PCDHGA1: variants seen among roughly 807,000 people sequenced by gnomAD.
The protein encoded by PCDHGA1 is protocadherin gamma-A1.
Under a neutral mutation model 58.0 loss-of-function variants are expected in PCDHGA1, and 32 were observed. The ratio of observed to expected loss-of-function variants is 0.55; its 90% CI spans 0.42 to 0.74. The LOEUF (loss-of-function observed/expected upper bound fraction) is 0.74, where lower values mean the gene tolerates loss of function less well. PCDHGA1 is among the 30% of genes least tolerant of loss of function. The pLI, the probability that PCDHGA1 is intolerant of heterozygous loss-of-function variation, is 0.00. For missense variants in PCDHGA1, 1,205 were observed against 1,182.3 expected (o/e 1.02, Z -0.28); for synonymous variants, 498 against 501.1 (o/e 0.99, Z 0.08).
chr5:141,393,263 A>G, intron 1 of PCDHGA1: 2 of 1,613,926 alleles, frequency 1.2e-6, no homozygotes, highest in Non-Finnish European at 1.7e-6. Context: ...TTCCTGGAGC[A>G]CGTTATCCAC....
intron 1 of PCDHGA1, chr5:141,479,209 A>T (rs1314929824): frequency 6.6e-6 from 1 of 152,432 alleles, no homozygotes; most frequent in African/African-American, 2.4e-5. Context: ...AAAAGTATTT[A>T]AAAAATTAAA....
chr5:141,423,759 G>GGC, intron 1 of PCDHGA1: 9 of 321,042 alleles, frequency 2.8e-5, no homozygotes, highest in Non-Finnish European at 3.6e-5. Context: ...TTGGGGGGGG[G>GGC]GTGGGGCGGC....
In PCDHGA1 at chr5:141,431,377, T is replaced by A; in HGVS notation, c.2422-63430T>A. 1 of 1,613,426 alleles carries A rather than the reference T, an allele frequency of 6.2e-7. No individual in the cohort carries two copies. Among genetic ancestry groups the A allele is most frequent in the Non-Finnish European group, 8.5e-7 (1 of 1,179,558 alleles). ...GCGCCCTGGACCGCGAAGAAAAGGC[T>A]GCTCACCACCTGGTCCTTACGGCCT... is the stretch of plus-strand genomic sequence containing the variant. On this transcript the variant is annotated intron_variant, in intron 1 of 3. Coordinates refer to ENST00000517417, the MANE Select transcript of PCDHGA1 (RefSeq NM_018912.3). This position sits in a 1 kb window ranked among gnomAD's most constrained non-coding sequence, Gnocchi z 4.8.
At chr5:141,361,801 A>C (rs1312731980) in intron 1 of PCDHGA1, 1 of 1,613,040 alleles carries the variant, frequency 6.2e-7, no homozygotes, top group Non-Finnish European at 8.5e-7. Flanking sequence ...GGGCGACCTC[A>C]ATGACAATGC....
intron 1 of PCDHGA1, chr5:141,404,646 C>G (rs1461001534): frequency 3.1e-6 from 5 of 1,614,208 alleles, no homozygotes; most frequent in Non-Finnish European, 3.4e-6. Flanking sequence ...ATCCTGTACC[C>G]TGCCCTCCCC....
At chr5:141,384,596 C>T in intron 1 of PCDHGA1, 1 of 1,614,240 alleles carries the variant, frequency 6.2e-7, no homozygotes. Context: ...CTGTACCCGG[C>T]CCTCCCCACA....
At chr5:141,356,773 T>C in intron 1 of PCDHGA1, 1 of 1,613,940 alleles carries the variant, frequency 6.2e-7, no homozygotes, top group Non-Finnish European at 8.5e-7. Flanking sequence ...CTATGAGCAG[T>C]TTAGAGACCT....
chr5:141,409,809 A>T (rs754765049), intron 1 of PCDHGA1: 62 of 1,611,424 alleles, frequency 3.8e-5, no homozygotes, highest in Non-Finnish European at 7.6e-6. Context: ...CAGGCCCGCG[A>T]CCACGGCTCG....
intron 1 of PCDHGA1, among the ~76,000 whole-genome samples, chr5:141,450,783 G>A (rs2879228): frequency 0.25 from 37,099 of 150,510 alleles, 4,810 homozygotes; most frequent in Admixed American, 0.32. Flanking sequence ...CACCGTGCCC[G>A]GACCTCATGA....
intron 1 of PCDHGA1, chr5:141,338,634 C>A: frequency 4.9e-6 from 1 of 204,646 alleles, no homozygotes; most frequent in Admixed American, 5.3e-5. Flanking sequence ...CTTTAAAGCG[C>A]CTTGAAAGTC....
chr5:141,389,991 G>T (rs561094692), intron 1 of PCDHGA1: 2 of 1,614,016 alleles, frequency 1.2e-6, no homozygotes, highest in African/African-American at 2.7e-5. Flanking sequence ...GCTCTTCCTC[G>T]TGGCCATGAT....
rs1332743231 is a variant in PCDHGA1 at position 141,432,967 on chromosome 5, G to A, written c.2422-61840G>A. 4 of 1,614,192 alleles carry A rather than the reference G, an allele frequency of 2.5e-6. No homozygotes were observed. In the East Asian group the frequency reaches 6.7e-5, roughly 27 times the overall value. On this transcript the variant is annotated intron_variant, in intron 1 of 3. Coordinates refer to ENST00000517417, the MANE Select transcript of PCDHGA1 (RefSeq NM_018912.3). The surrounding 1 kb of genome is among the most constrained non-coding windows in gnomAD (Gnocchi z 6.0). The stretch of plus-strand genomic sequence containing the variant: ...CAGGAGGCGGCTTGACAGGAGCGCC[G>A]GCGTCGCACTTTGTGGGCGTGGACG...
At chr5:141,340,511 C>A in intron 1 of PCDHGA1, 1 of 1,614,254 alleles carries the variant, frequency 6.2e-7, no homozygotes, top group Non-Finnish European at 8.5e-7. Context: ...CACTGGAGTA[C>A]TCTATGCACT....
intron 1 of PCDHGA1, chr5:141,392,318 C>T (rs1213951508): frequency 6.6e-6 from 1 of 152,062 alleles, no homozygotes; most frequent in Non-Finnish European, 1.5e-5. Context: ...TTTTTTAAGA[C>T]CAAATGTATT....
At position 141,487,666 on chromosome 5, in the gene PCDHGA1, C is replaced by T. The variant is rs2099657736; in HGVS notation, c.2422-7141C>T. 1 of 1,612,838 alleles carries T rather than the reference C, an allele frequency of 6.2e-7. No homozygotes were observed. Among genetic ancestry groups the T allele is most frequent in the South Asian group, 1.1e-5 (1 of 90,712 alleles). Reference sequence around the variant, plus strand: ...TGCTTGAGGGTTATTCTGATCCAGGCATATGGCTAGGCCATGTCCTAGAGA... The same window carrying T: ...TGCTTGAGGGTTATTCTGATCCAGGTATATGGCTAGGCCATGTCCTAGAGA... On this transcript the variant is annotated intron_variant, in intron 1 of 3. Coordinates refer to ENST00000517417, the MANE Select transcript of PCDHGA1 (RefSeq NM_018912.3). This position sits in a 1 kb window ranked among gnomAD's most constrained non-coding sequence, Gnocchi z 5.0.
At chr5:141,415,258 C>G (rs1228702476) in intron 1 of PCDHGA1, 1 of 1,614,214 alleles carries the variant, frequency 6.2e-7, no homozygotes, top group Non-Finnish European at 8.5e-7. Context: ...AGACCTCACT[C>G]TGTACCTGGT....
At chr5:141,356,667 C>CGG in intron 1 of PCDHGA1, 1 of 1,614,038 alleles carries the variant, frequency 6.2e-7, no homozygotes, top group Non-Finnish European at 8.5e-7. Context: ...GAATCACTTA[C>CGG]TCCCTGGCCG....
intron 1 of PCDHGA1, chr5:141,409,119 C>A: frequency 6.2e-7 from 1 of 1,613,928 alleles, no homozygotes; most frequent in Non-Finnish European, 8.5e-7. Flanking sequence ...AATAACCAGT[C>A]ATTTGATTTT....
rs367793525 is a variant in PCDHGA1, at chr5:141,352,460, G to A, written c.2421+19355G>A. ...CGGTCTCTGCTCCAAGTCTGGGCCC[G>A]GGGTTCCTCCCAACCACAGCGAGGG... On this transcript the variant is annotated intron_variant, in intron 1 of 3. Transcript: ENST00000517417. 3.1e-6 allele frequency: 5 copies of A among 1,613,896 alleles called. No homozygotes were observed. Among genetic ancestry groups the A allele is most frequent in the Non-Finnish European group, 3.4e-6 (4 of 1,179,906 alleles).
Sources: gnomAD v4.1 joint callset for allele counts (sites outside exome capture counted in the v4.1 genomes callset) on GRCh38, gnomAD v4.1.1 for gene constraint, Gnocchi (gnomAD v3.1) non-coding constraint, MANE v1.5 for transcripts, NCBI Gene and HGNC (gene_info 2026-07-23, HGNC 2026-07-21) for gene names.